The following ATRN variants were observed in gnomAD, a reference collection of about 807,000 sequenced individuals.
ATRN encodes attractin, also known as attractin-2.
Under a neutral mutation model 178.7 loss-of-function variants are expected in ATRN, and 54 were observed. The ratio of observed to expected loss-of-function variants is 0.30; its 90% CI spans 0.24 to 0.38. The LOEUF (loss-of-function observed/expected upper bound fraction) is 0.38, where lower values mean the gene tolerates loss of function less well. Among genes scored for constraint, ATRN ranks in the 10% least tolerant of loss-of-function variants. The pLI is 1.00. For synonymous variants in ATRN, 636 were observed against 663.0 expected (o/e 0.96, Z 0.63); for missense variants, 1,443 against 1,815.1 (o/e 0.79, Z 3.73).
At chr20:3,531,361 C>T (rs546043467) in intron 1 of ATRN, among the ~76,000 whole-genome samples, 1 of 152,294 alleles carries the variant, frequency 6.6e-6, no homozygotes, top group African/African-American at 2.4e-5. Context: ...AATTAAAATT[C>T]ATATTCCTTT....
At chr20:3,504,367 T>C (rs894737604) in intron 1 of ATRN, among the ~76,000 whole-genome samples, 1 of 151,690 alleles carries the variant, frequency 6.6e-6, no homozygotes, top group Admixed American at 6.6e-5. Context: ...AATAGAAATA[T>C]GGGTACATAA....
At chr20:3,555,499 C>G (rs2085864817) in intron 6 of ATRN, among the ~76,000 whole-genome samples, 1 of 152,200 alleles carries the variant, frequency 6.6e-6, no homozygotes, top group Non-Finnish European at 1.5e-5. Context: ...GATTCCCTAC[C>G]CAGAACTCAG....
chr20:3,475,755 G>A (rs181008583), intron 1 of ATRN, among the ~76,000 whole-genome samples: 1 of 152,230 alleles, frequency 6.6e-6, no homozygotes, highest in East Asian at 1.9e-4. Context: ...CTGGTGAATT[G>A]GATTGAGCCT....
intron 1 of ATRN, among the ~76,000 whole-genome samples, chr20:3,512,112 T>A (rs1350441581): frequency 1.5e-4 from 22 of 142,984 alleles, no homozygotes; most frequent in African/African-American, 5.2e-4. Context: ...TATATATTTT[T>A]TTTTTTTATT....
chr20:3,512,109 T>A (rs7267513), intron 1 of ATRN, among the ~76,000 whole-genome samples: 5,773 of 99,612 alleles, frequency 0.058, 206 homozygotes, highest in African/African-American at 0.12. Flanking sequence ...ATATATATAT[T>A]TTTTTTTTTT....
chr20:3,534,825 C>G (rs932290690), intron 1 of ATRN, among the ~76,000 whole-genome samples: 1 of 151,882 alleles, frequency 6.6e-6, no homozygotes, highest in East Asian at 1.9e-4. Context: ...AGAAATTTAT[C>G]GCTGGGTGTG....
chr20:3,576,008 T>C (rs1254002504), intron 13 of ATRN, 60 bp downstream of exon 13: 1 of 1,571,354 alleles, frequency 6.4e-7, no homozygotes, highest in African/African-American at 1.4e-5. Flanking sequence ...GTTTAGCTTT[T>C]ATAGTGTATA....
chr20:3,621,594 A>G (rs1235444011), intron 24 of ATRN, among the ~76,000 whole-genome samples: 1 of 152,226 alleles, frequency 6.6e-6, no homozygotes, highest in African/African-American at 2.4e-5. Flanking sequence ...GAATGACATT[A>G]TGAGTTTTAT....
chr20:3,507,893 C>T (rs1378388649), intron 1 of ATRN, among the ~76,000 whole-genome samples: 3 of 151,648 alleles, frequency 2.0e-5, no homozygotes, highest in African/African-American at 7.3e-5. Flanking sequence ...TTTAGCGAAA[C>T]GGGGTTTCAC....
At chr20:3,626,809 GTC>G (rs1465379412) in intron 25 of ATRN, among the ~76,000 whole-genome samples, 3 of 102,220 alleles carry the variant, frequency 2.9e-5, no homozygotes, top group Non-Finnish European at 1.8e-5. Context: ...TTGAAACTTA[GTC>G]TCTCTCTGTC....
intron 1 of ATRN, among the ~76,000 whole-genome samples, chr20:3,527,317 GA>G (rs1166422656): frequency 6.6e-6 from 1 of 152,054 alleles, no homozygotes; most frequent in Non-Finnish European, 1.5e-5. Flanking sequence ...CAAAAAACAT[GA>G]AAAAAAGTTA....
chr20:3,596,480 CTTCATTGTTTAAACG>C (rs776083233), intron 21 of ATRN, 51 bp downstream of exon 21: 2 of 1,530,648 alleles, frequency 1.3e-6, no homozygotes, highest in Non-Finnish European at 1.8e-6. Flanking sequence ...TTCAGTAAAA[CTTCATTGTTTAAACG>C]GGTTTGAGAA....
intron 18 of ATRN, among the ~76,000 whole-genome samples, chr20:3,586,471 C>G (rs932382176): frequency 6.6e-5 from 10 of 151,220 alleles, no homozygotes; most frequent in Non-Finnish European, 1.3e-4. Flanking sequence ...GCATTATTTT[C>G]TGACATGGAT....
At chr20:3,491,293 T>C (rs1439964154) in intron 1 of ATRN, among the ~76,000 whole-genome samples, 1 of 152,228 alleles carries the variant, frequency 6.6e-6, no homozygotes. Flanking sequence ...TCCAATTTTC[T>C]CATTAACTTA....
intron 1 of ATRN, among the ~76,000 whole-genome samples, chr20:3,500,395 A>G (rs2084942252): frequency 6.6e-6 from 1 of 152,188 alleles, no homozygotes; most frequent in Non-Finnish European, 1.5e-5. Context: ...ACGTATGTTT[A>G]TAGTGGCACT....
At chr20:3,519,821 T>G (rs2085265003) in intron 1 of ATRN, among the ~76,000 whole-genome samples, 1 of 152,214 alleles carries the variant, frequency 6.6e-6, no homozygotes, top group Non-Finnish European at 1.5e-5. Flanking sequence ...CATTTCAAAT[T>G]TGAACACTGT....
At chr20:3,556,391 A>G (rs1413838736) in intron 6 of ATRN, among the ~76,000 whole-genome samples, 3 of 152,172 alleles carry the variant, frequency 2.0e-5, no homozygotes, top group Non-Finnish European at 4.4e-5. Flanking sequence ...ATTATTTGGG[A>G]GGCCTCAGGT....
chr20:3,591,763 G>A (rs774291631), intron 19 of ATRN, among the ~76,000 whole-genome samples: 1 of 152,150 alleles, frequency 6.6e-6, no homozygotes, highest in Non-Finnish European at 1.5e-5. Flanking sequence ...GTCCTGGGTT[G>A]GAGTCAGAGT....
At chr20:3,596,177 G>A (rs1047145321) in intron 20 of ATRN, among the ~76,000 whole-genome samples, 200 bp from the exon 21 acceptor site, 1 of 152,096 alleles carries the variant, frequency 6.6e-6, no homozygotes, top group Admixed American at 6.5e-5. Context: ...TCATATAGTT[G>A]GTGTGTGAAC....
Sources: gnomAD v4.1 joint callset for allele counts (sites outside exome capture counted in the v4.1 genomes callset) on GRCh38, gnomAD v4.1.1 for gene constraint, MANE v1.5 for transcripts, NCBI Gene and HGNC (gene_info 2026-07-23, HGNC 2026-07-21) for gene names.